Variants in RPS6KA2 observed in about 807,000 individuals in gnomAD.
RPS6KA2 encodes ribosomal protein S6 kinase A2.
Under a neutral mutation model 91.8 loss-of-function variants are expected in RPS6KA2, and 42 were observed. That is an observed-to-expected ratio of 0.46 (90% CI 0.36 to 0.59). The LOEUF (loss-of-function observed/expected upper bound fraction) is 0.59. Among genes scored for constraint, RPS6KA2 ranks in the 20% least tolerant of loss-of-function variants. The pLI is 0.00. For missense variants in RPS6KA2, 798 were observed against 978.5 expected (o/e 0.82, Z 2.46); for synonymous variants, 414 against 393.6 (o/e 1.05, Z -0.61).
At chr6:166,680,868 A>G (rs371965366) in intron 2 of RPS6KA2, among the ~76,000 whole-genome samples, 44 of 152,242 alleles carry the variant, frequency 2.9e-4, no homozygotes, top group African/African-American at 1.0e-3. Context: ...TGCTGAGGCC[A>G]GAGGCACAGT....
At chr6:166,680,268 C>T (rs955411951) in intron 2 of RPS6KA2, among the ~76,000 whole-genome samples, 1 of 152,244 alleles carries the variant, frequency 6.6e-6, no homozygotes, top group African/African-American at 2.4e-5. Context: ...GGTTCGTAAA[C>T]ACACCAATCA....
At position 166,412,867 on chromosome 6, in the gene RPS6KA2, G is replaced by C; in HGVS notation, c.2097C>G (p.Tyr699Ter). 6.4e-7 allele frequency: 1 copy of C among 1,560,650 alleles called. No individual in the cohort carries two copies. The highest frequency in any genetic ancestry group is 8.7e-7 in the Non-Finnish European group (1 of 1,151,992). The stretch of plus-strand genomic sequence containing the variant: ...CCTGAGGTGTTCTGTTTAGAGCAAA[G>C]TAGGTGGCGGCCATCGCGCCCTGCA... The part of the protein sequence containing the change: ...HLVKGAMAAT[Y>*]FALNRTPQAP... Residue 699 changes from tyrosine to a stop codon, truncating the protein, a stop_gained, in exon 21 of 21, where the codon TAC becomes TAG. Transcript: ENST00000265678. LOFTEE classifies it low-confidence loss of function (END_TRUNC). This position sits in a 1 kb window ranked among gnomAD's most constrained non-coding sequence, Gnocchi z 4.3.
chr6:166,856,578 G>A (rs1268749602), intron 2 of RPS6KA2, among the ~76,000 whole-genome samples: 1 of 152,162 alleles, frequency 6.6e-6, no homozygotes, highest in Non-Finnish European at 1.5e-5. Context: ...CACCCATCCT[G>A]GCTCAGGGCC....
At chr6:166,483,988 G>A (rs542794597) in intron 10 of RPS6KA2, among the ~76,000 whole-genome samples, 4 of 152,374 alleles carry the variant, frequency 2.6e-5, no homozygotes, top group South Asian at 2.1e-4. Context: ...CTGGGTAAGC[G>A]CACAGAAACA....
At chr6:166,768,583 C>T (rs1219817732) in intron 2 of RPS6KA2, among the ~76,000 whole-genome samples, 1 of 151,960 alleles carries the variant, frequency 6.6e-6, no homozygotes, top group African/African-American at 2.4e-5. Context: ...TTTGTAGAGT[C>T]TTTTAAAAAA....
intron 3 of RPS6KA2, among the ~76,000 whole-genome samples, chr6:166,525,279 C>T (rs1782985403): frequency 6.6e-6 from 1 of 152,212 alleles, no homozygotes; most frequent in African/African-American, 2.4e-5. Context: ...CCTGTAATAA[C>T]TCCATGTTGA....
chr6:166,681,688 C>CCT (rs1788813822), intron 2 of RPS6KA2, among the ~76,000 whole-genome samples: 1 of 9,114 alleles, frequency 1.1e-4, no homozygotes, highest in Non-Finnish European at 2.9e-4. Flanking sequence ...CTCCCCCTGC[C>CCT]CGCCCCCCCC....
intron 2 of RPS6KA2, among the ~76,000 whole-genome samples, chr6:166,851,340 A>T (rs764811594): frequency 1.3e-5 from 2 of 152,074 alleles, no homozygotes; most frequent in Admixed American, 6.5e-5. Flanking sequence ...CACAGAGAAA[A>T]CGGAGCTTTC....
intron 6 of RPS6KA2, among the ~76,000 whole-genome samples, chr6:166,501,544 C>G (rs998425731): frequency 6.6e-6 from 1 of 152,214 alleles, no homozygotes; most frequent in Non-Finnish European, 1.5e-5. Context: ...CCCTGCCAAG[C>G]CCTTGTCACG....
At chr6:166,746,907 T>C (rs1355333692) in intron 2 of RPS6KA2, among the ~76,000 whole-genome samples, 5 of 152,180 alleles carry the variant, frequency 3.3e-5, no homozygotes, top group Non-Finnish European at 7.3e-5. Context: ...TGGTTTGCTG[T>C]AAAGGATATT....
At chr6:166,785,821 A>G (rs889971508) in intron 2 of RPS6KA2, among the ~76,000 whole-genome samples, 1 of 152,242 alleles carries the variant, frequency 6.6e-6, no homozygotes, top group Non-Finnish European at 1.5e-5. Flanking sequence ...AGTCATTCAA[A>G]TATGTTTTTA....
intron 2 of RPS6KA2, among the ~76,000 whole-genome samples, chr6:166,818,223 A>T (rs1326407555): frequency 1.3e-5 from 2 of 152,062 alleles, no homozygotes; most frequent in Non-Finnish European, 2.9e-5. Context: ...TAGTTTTTTT[A>T]AAATCCAGGA....
intron 13 of RPS6KA2, among the ~76,000 whole-genome samples, chr6:166,450,278 A>G (rs1218429328): frequency 1.4e-5 from 2 of 143,144 alleles, no homozygotes; most frequent in Non-Finnish European, 3.1e-5. Context: ...CATCACGGGT[A>G]CCACCAGGGA....
At chr6:166,577,335 C>T (rs7739853) in intron 1 of RPS6KA2, among the ~76,000 whole-genome samples, 45,681 of 152,076 alleles carry the variant, frequency 0.3, 7,903 homozygotes, top group South Asian at 0.51. Flanking sequence ...GTAGATCCAA[C>T]GACAGCTTGC....
At chr6:166,442,476 C>T (rs1479196206) in intron 14 of RPS6KA2, among the ~76,000 whole-genome samples, 2 of 152,194 alleles carry the variant, frequency 1.3e-5, no homozygotes, top group East Asian at 1.9e-4. Flanking sequence ...AAAATAATTA[C>T]ACCGTGGGAT....
chr6:166,493,589 C>G lies in RPS6KA2; in HGVS notation c.748-2848G>C, dbSNP rs960960187. Among the ~76,000 whole-genome samples, 4 of 151,942 alleles carry G rather than the reference C, an allele frequency of 2.6e-5. No individual in the cohort carries two copies. The highest frequency in any genetic ancestry group is 6.6e-5 in the Admixed American group (1 of 15,266). On this transcript the variant is annotated intron_variant, in intron 8 of 20. Coordinates refer to ENST00000265678, the MANE Select transcript of RPS6KA2 (RefSeq NM_021135.6). The surrounding 1 kb of genome is among the most constrained non-coding windows in gnomAD (Gnocchi z 4.7). ...GCACTCCAAAGGATTCTTTCCCAAT[C>G]GGCACCGAGACCAGGCTGCAGACAG...
chr6:166,738,535 G>A (rs1790729280), intron 2 of RPS6KA2, among the ~76,000 whole-genome samples: 1 of 152,186 alleles, frequency 6.6e-6, no homozygotes, highest in Admixed American at 6.5e-5. Context: ...CAAGGAGATT[G>A]CACAGTACCT....
intron 2 of RPS6KA2, among the ~76,000 whole-genome samples, chr6:166,808,809 C>T (rs925054800): frequency 6.6e-6 from 1 of 152,138 alleles, no homozygotes; most frequent in Non-Finnish European, 1.5e-5. Context: ...AAATTGTCTA[C>T]AAATTAAATG....
At chr6:166,565,426 A>AG (rs1340498867) in intron 1 of RPS6KA2, among the ~76,000 whole-genome samples, 1 of 152,208 alleles carries the variant, frequency 6.6e-6, no homozygotes, top group African/African-American at 2.4e-5. Flanking sequence ...GCTGGGATGC[A>AG]GGGGTCCGCC....
Sources: allele counts gnomAD v4.1 joint callset (sites outside exome capture counted in the v4.1 genomes callset), GRCh38; gene constraint gnomAD v4.1.1; non-coding constraint Gnocchi (gnomAD v3.1); transcripts MANE v1.5; gene names NCBI Gene and HGNC (gene_info 2026-07-23, HGNC 2026-07-21).